The following MDM4 variants were observed in gnomAD, a reference collection of about 807,000 sequenced individuals.
The protein encoded by MDM4 is MDM4 regulator of p53.
MDM4 carries 2 observed loss-of-function variants against 60.2 expected under a neutral mutation model. That is an observed-to-expected ratio of 0.03 (90% confidence interval 0.01 to 0.10). MDM4 has a LOEUF of 0.10. MDM4 is among the 10% of genes least tolerant of loss of function. The probability of loss-of-function intolerance (pLI) is 1.00; values close to 1 mark genes in which losing one functional copy is unlikely to be tolerated. For synonymous variants in MDM4, 202 were observed against 198.1 expected (o/e 1.02, Z -0.17); for missense variants, 447 against 577.5 (o/e 0.77, Z 2.32).
chr1:204,554,513 C>A lies in MDM4; in HGVS notation c.*4831C>A, dbSNP rs946075778. On this transcript the variant is annotated 3_prime_UTR_variant, in exon 11 of 11. Transcript: ENST00000367182. Reference sequence around the variant, plus strand: ...ATGAACCGGTAAGCTGTCTCATGTACCAAACGTGAAATTTACAGTGTTTAC... The same window carrying A: ...ATGAACCGGTAAGCTGTCTCATGTAACAAACGTGAAATTTACAGTGTTTAC... 3.1e-5 allele frequency: 7 copies of A among 225,168 alleles called. 1 individual carries two copies. In the Middle Eastern group the frequency reaches 8.2e-3, roughly 265 times the overall value. The allele number at this position is 225,168 out of a possible 1,614,324, so 13.9% of individuals were successfully genotyped here. A position where few individuals can be genotyped will look rare whatever the true frequency, so the allele number is the denominator to read the frequency against.
In MDM4 at chr1:204,526,471, T is replaced by G. The variant is rs933567999; in HGVS notation, c.153+37T>G. The G allele has an allele frequency of 1.1e-5, 17 of 1,526,410 alleles. No individual in the cohort carries two copies. In the African/African-American group the frequency reaches 2.2e-4, roughly 20 times the overall value. 94.6% of individuals were successfully genotyped at this position (1,526,410 alleles called of 1,614,324 possible). A position where few individuals can be genotyped will look rare whatever the true frequency, so the allele number is the denominator to read the frequency against. On this transcript the variant is annotated intron_variant, in intron 3 of 10. Transcript: ENST00000367182. ...AATAAAATTCTCATTTTTTTTGTTT[T>G]TTTTTTTTTTGAGATGGAGTCTCCC...
intron 5 of MDM4, among the ~76,000 whole-genome samples, chr1:204,533,673 T>A (rs536891677): frequency 6.6e-6 from 1 of 152,382 alleles, no homozygotes; most frequent in African/African-American, 2.4e-5. Context: ...CACTGTCTTT[T>A]GATAGTTTAC....
rs79557509 is a variant in MDM4 at position 204,538,392 on chromosome 1, A to G, written c.511+84A>G. ...TTTTTAATCTCTCCGTATGTGAAGT[A>G]GGAGAGGGATATGTCACAATTTCTC... On this transcript the variant is annotated intron_variant, in intron 7 of 10. Coordinates refer to ENST00000367182, the MANE Select transcript of MDM4 (RefSeq NM_002393.5). 178 of 745,904 alleles carry G rather than the reference A, an allele frequency of 2.4e-4. 2 individuals are homozygous for G. The East Asian group carries it at 3.7e-3, about 16-fold the overall frequency. 46.2% of individuals were successfully genotyped at this position (745,904 alleles called of 1,614,324 possible).
intron 3 of MDM4, among the ~76,000 whole-genome samples, chr1:204,530,292 A>G (rs913996626): frequency 3.3e-5 from 5 of 152,260 alleles, no homozygotes; most frequent in Admixed American, 2.6e-4. Flanking sequence ...ACACATATCA[A>G]AAGCCTAAAG....
chr1:204,543,019 CATT>C (rs1662282372), intron 8 of MDM4, 75 bp downstream of exon 8: 6 of 1,225,484 alleles, frequency 4.9e-6, no homozygotes, highest in Non-Finnish European at 6.9e-6. Flanking sequence ...CTTGACCACA[CATT>C]ATATTCTCTA....
intron 8 of MDM4, 39 bp downstream of exon 8, chr1:204,542,983 T>C (rs912904222): frequency 1.3e-6 from 2 of 1,532,312 alleles, no homozygotes; most frequent in African/African-American, 2.7e-5. Flanking sequence ...TTTTTTTCTT[T>C]TGAAAGGGTA....
intron 7 of MDM4, among the ~76,000 whole-genome samples, chr1:204,540,857 CATTTT>C (rs1256617882): frequency 6.6e-6 from 1 of 152,196 alleles, no homozygotes; most frequent in African/African-American, 2.4e-5. Context: ...TCCCCAAAGT[CATTTT>C]ATGGCATGAT....
chr1:204,538,268 A>G lies in MDM4; in HGVS notation c.471A>G (p.Thr157=). 1 of 1,609,842 alleles carries G rather than the reference A, an allele frequency of 6.2e-7. No homozygotes were observed. The highest frequency in any genetic ancestry group is 1.1e-5 in the South Asian group (1 of 91,008). The change falls in exon 7 of 11, where the codon ACA becomes ACG. Residue 157 remains threonine (T), a synonymous_variant. Coordinates refer to ENST00000367182, the MANE Select transcript of MDM4 (RefSeq NM_002393.5). ...RKRTTEDDIP[T]LPTSEHKCIH... is the part of the protein sequence containing the mutation. ...GAACTACAGAAGACGATATCCCCAC[A>G]CTGCCTACCTCAGAGCATAAATGCA...
intron 5 of MDM4, among the ~76,000 whole-genome samples, chr1:204,536,174 C>T (rs1048020295): frequency 1.3e-5 from 2 of 152,120 alleles, no homozygotes; most frequent in African/African-American, 4.8e-5. Context: ...ATCACTTGAG[C>T]CAGGGAGGTA....
At chr1:204,533,011 G>T (rs1315295905) in intron 5 of MDM4, among the ~76,000 whole-genome samples, 2 of 152,222 alleles carry the variant, frequency 1.3e-5, no homozygotes, top group Non-Finnish European at 2.9e-5. Flanking sequence ...TTAATAATCT[G>T]TGGGCTCAGG....
At chr1:204,532,520 G>A (rs1660961273) in intron 5 of MDM4, 2 of 549,668 alleles carry the variant, frequency 3.6e-6, no homozygotes, top group Admixed American at 3.7e-5. Flanking sequence ...TAGCAGATAA[G>A]GACTTTTTTC....
At chr1:204,526,465 TTG>T (rs1491095782) in intron 3 of MDM4, 31 bp downstream of exon 3, 11 of 1,486,324 alleles carry the variant, frequency 7.4e-6, no homozygotes, top group African/African-American at 5.8e-5. Flanking sequence ...CTCATTTTTT[TTG>T]TTTTTTTTTT....
intron 4 of MDM4, among the ~76,000 whole-genome samples, chr1:204,531,530 T>G (rs1660852192): frequency 6.6e-6 from 1 of 152,228 alleles, no homozygotes; most frequent in Non-Finnish European, 1.5e-5. Flanking sequence ...CATTCTGTCT[T>G]ACACTAAGAC....
At position 204,554,364 on chromosome 1, in the gene MDM4, G is replaced by C. The variant is rs1454153541; in HGVS notation, c.*4682G>C. ...ATTGTTCAGAACTATATCCTAACGAGCAATTAGTTCTGATGGTTCTCCCAG... is the reference window on the plus strand; with the variant it reads ...ATTGTTCAGAACTATATCCTAACGACCAATTAGTTCTGATGGTTCTCCCAG... On this transcript the variant is annotated 3_prime_UTR_variant, in exon 11 of 11. Coordinates refer to ENST00000367182, the MANE Select transcript of MDM4 (RefSeq NM_002393.5). The C allele has an allele frequency of 8.9e-6, 2 of 225,720 alleles. No homozygotes were observed. The highest frequency in any genetic ancestry group is 1.3e-4 in the East Asian group (2 of 15,552). 14.0% of individuals were successfully genotyped at this position (225,720 alleles called of 1,614,324 possible). A position where few individuals can be genotyped will look rare whatever the true frequency, so the allele number is the denominator to read the frequency against.
chr1:204,523,473 A>ATT (rs60954516), intron 1 of MDM4, among the ~76,000 whole-genome samples: 3,655 of 58,994 alleles, frequency 0.062, 556 homozygotes, highest in East Asian at 0.27. Flanking sequence ...CCTAAAAAAA[A>ATT]TTTTTTTTTT....
rs919267407 is a variant in MDM4 at position 204,552,759 on chromosome 1, C to G, written c.*3077C>G. The G allele has an allele frequency of 5.4e-6, 1 of 185,456 alleles. No homozygotes were observed. The highest frequency in any genetic ancestry group is 2.3e-5 in the African/African-American group (1 of 42,654). 11.5% of individuals were successfully genotyped at this position (185,456 alleles called of 1,614,324 possible). On this transcript the variant is annotated 3_prime_UTR_variant, in exon 11 of 11. Coordinates refer to ENST00000367182, the MANE Select transcript of MDM4 (RefSeq NM_002393.5). The stretch of plus-strand genomic sequence containing the variant: ...AGCTTCACTCTTCCTGCTTGCCCAC[C>G]GGGGTTTTTCACTGCTTCTGTTAGC...
intron 7 of MDM4, among the ~76,000 whole-genome samples, chr1:204,540,831 G>T (rs1218513417): frequency 6.6e-6 from 1 of 152,174 alleles, no homozygotes; most frequent in Non-Finnish European, 1.5e-5. Flanking sequence ...TGGCGAAGAT[G>T]TGTAAAATCA....
intron 5 of MDM4, chr1:204,532,542 A>G (rs189294193): frequency 8.6e-5 from 48 of 557,956 alleles, no homozygotes; most frequent in Non-Finnish European, 1.4e-4. Context: ...CCAAACATTC[A>G]ATATCATTAT....
Position 204,532,696 on chromosome 1 carries a change from A to C in MDM4, c.343+450A>C. The C allele has an allele frequency of 2.0e-6, 3 of 1,499,932 alleles. No homozygotes were observed. In the Admixed American group the frequency reaches 6.0e-5, roughly 30 times the overall value. 92.9% of individuals were successfully genotyped at this position (1,499,932 alleles called of 1,614,324 possible). Reference sequence around the variant, plus strand: ...AAAGTCCACACATTGCCTTTGGTTGATATGTCTCATAAGTGTCTTTAATCT... The same window carrying C: ...AAAGTCCACACATTGCCTTTGGTTGCTATGTCTCATAAGTGTCTTTAATCT... On this transcript the variant is annotated intron_variant, in intron 5 of 10. Coordinates refer to ENST00000367182, the MANE Select transcript of MDM4 (RefSeq NM_002393.5).
Sources: allele counts gnomAD v4.1 joint callset (sites outside exome capture counted in the v4.1 genomes callset), GRCh38; gene constraint gnomAD v4.1.1; transcripts MANE v1.5; gene names NCBI Gene and HGNC (gene_info 2026-07-23, HGNC 2026-07-21).